FGFR1: variants seen among roughly 807,000 people sequenced by gnomAD.
FGFR1 encodes the protein FGFR1/PLAG1 fusion.
Under a neutral mutation model 93.7 loss-of-function variants are expected in FGFR1, and 18 were observed. The ratio of observed to expected loss-of-function variants is 0.19; its 90% CI spans 0.13 to 0.28. FGFR1 has a LOEUF of 0.28. FGFR1 is among the 10% of genes least tolerant of loss of function. The probability of loss-of-function intolerance (pLI) is 1.00; values close to 1 mark genes in which losing one functional copy is unlikely to be tolerated. For synonymous variants in FGFR1, 448 were observed against 429.3 expected, an observed-to-expected ratio of 1.04 and a Z score of -0.54; for missense variants, 731 against 1,080.4, an observed-to-expected ratio of 0.68 and a Z score of 4.53.
intron 9 of FGFR1, 122 bp from the exon 10 acceptor site, chr8:38,418,495 C>G: frequency 3.2e-6 from 4 of 1,235,326 alleles, no homozygotes; most frequent in Non-Finnish European, 4.6e-6. Context: ...ATGTTCTTTC[C>G]TCAACACAGA....
chr8:38,443,329 CCGA>C (rs1428797643), intron 2 of FGFR1, among the ~76,000 whole-genome samples: 1 of 151,984 alleles, frequency 6.6e-6, no homozygotes, highest in Non-Finnish European at 1.5e-5. Flanking sequence ...CATACCGTAC[CCGA>C]CGATTATACA....
chr8:38,424,737 C>A lies in FGFR1; in HGVS notation c.746-38G>T. ...GGAGAGGAGGCACTTGTCATGGGGA[C>A]CTTGCCATGGCTAAAGAGGGGTGGG... On this transcript the variant is annotated intron_variant, in intron 6 of 17. Transcript: ENST00000447712. This position sits in a 1 kb window ranked among gnomAD's most constrained non-coding sequence, Gnocchi z 4.3. 2.5e-6 allele frequency: 4 copies of A among 1,596,592 alleles called. No homozygotes were observed. Among genetic ancestry groups the A allele is most frequent in the Non-Finnish European group, 3.4e-6 (4 of 1,167,672 alleles).
chr8:38,423,825 C>A (rs1457939615), intron 7 of FGFR1: 4 of 164,292 alleles, frequency 2.4e-5, no homozygotes, highest in Non-Finnish European at 5.3e-5. Context: ...GAAGGGAGGG[C>A]CAGTATATCT....
rs909735570 is a variant in FGFR1 at position 38,422,407 on chromosome 8, TTC to T, written c.937-468_937-467del. The T allele has an allele frequency of 1.1e-5, 4 of 355,272 alleles. No homozygotes were observed. The East Asian group carries it at 1.4e-4, about 12-fold the overall frequency. The allele number at this position is 355,272 out of a possible 1,614,324, so 22.0% of individuals were successfully genotyped here. On this transcript the variant is annotated intron_variant, in intron 7 of 17. Coordinates refer to ENST00000447712, the MANE Select transcript of FGFR1 (RefSeq NM_023110.3). Reference sequence around the variant, plus strand: ...AGTATGCAAGGGAATGCCTAACCCCTTCTCTCTCTTTTTTAAGAGATGGGGTA... The same window carrying T: ...AGTATGCAAGGGAATGCCTAACCCCTTCTCTCTTTTTTAAGAGATGGGGTA...
intron 12 of FGFR1, 41 bp downstream of exon 12, chr8:38,417,265 C>T (rs1443544147): frequency 2.0e-6 from 3 of 1,487,008 alleles, no homozygotes; most frequent in Admixed American, 1.7e-5. Flanking sequence ...CTCAGATCTT[C>T]TCCCCGCTGG....
intron 11 of FGFR1, chr8:38,417,634 G>C (rs543799279): frequency 2.8e-6 from 2 of 717,698 alleles, no homozygotes; most frequent in Non-Finnish European, 2.4e-6. Flanking sequence ...GCCTGCAAGC[G>C]ATGGATCCAG....
chr8:38,421,763 G>A (rs758218044), intron 8 of FGFR1, 34 bp downstream of exon 8: 5 of 1,612,626 alleles, frequency 3.1e-6, no homozygotes, highest in Non-Finnish European at 4.2e-6. Flanking sequence ...CGTGGCGAGG[G>A]CAGGACATCG....
intron 2 of FGFR1, among the ~76,000 whole-genome samples, chr8:38,444,351 T>A (rs766518413): frequency 5.3e-5 from 8 of 151,774 alleles, no homozygotes; most frequent in Non-Finnish European, 4.4e-5. Flanking sequence ...GAGCATTTAG[T>A]ACTCTCAGTT....
chr8:38,442,362 G>GGTGTGTGTGTGTGTGTGTGTGTGTGTGT (rs56889687), intron 2 of FGFR1, among the ~76,000 whole-genome samples: 7 of 145,980 alleles, frequency 4.8e-5, no homozygotes, highest in East Asian at 2.0e-4. Context: ...TTGTTAAAGT[G>GGTGTGTGTGTGTGTGTGTGTGTGTGTGT]GTGTGTGTGT....
At chr8:38,431,336 A>G (rs1823028784) in intron 2 of FGFR1, among the ~76,000 whole-genome samples, 1 of 152,166 alleles carries the variant, frequency 6.6e-6, no homozygotes, top group Non-Finnish European at 1.5e-5. Flanking sequence ...GGCACCTGTC[A>G]CACTGAAGGG....
intron 2 of FGFR1, among the ~76,000 whole-genome samples, chr8:38,454,790 G>T (rs549563817): frequency 2.4e-4 from 37 of 152,252 alleles, no homozygotes; most frequent in African/African-American, 8.9e-4. Flanking sequence ...GTTTGTTGAA[G>T]TAAATAATGC....
At chr8:38,463,718 G>A (rs1040668439) in intron 1 of FGFR1, among the ~76,000 whole-genome samples, 1 of 152,182 alleles carries the variant, frequency 6.6e-6, no homozygotes, top group African/African-American at 2.4e-5. Context: ...TTGTTAACCA[G>A]CCAAACTCTA....
At chr8:38,437,018 C>T (rs1401091451) in intron 2 of FGFR1, among the ~76,000 whole-genome samples, 4 of 152,136 alleles carry the variant, frequency 2.6e-5, no homozygotes, top group African/African-American at 9.7e-5. Flanking sequence ...GTAGCTGGGA[C>T]TATAGACAAG....
intron 9 of FGFR1, 68 bp downstream of exon 9, chr8:38,419,465 A>C: frequency 7.2e-7 from 1 of 1,394,686 alleles, no homozygotes; most frequent in Non-Finnish European, 1.0e-6. Flanking sequence ...GGGACAATGG[A>C]GAGGGCAGGG....
chr8:38,415,572 ATAT>A (rs1177485670), intron 13 of FGFR1, among the ~76,000 whole-genome samples: 6 of 151,376 alleles, frequency 4.0e-5, no homozygotes, highest in Admixed American at 2.6e-4. Context: ...CACCCAGCTG[ATAT>A]TATTATTATT....
intron 1 of FGFR1, among the ~76,000 whole-genome samples, chr8:38,460,364 G>A (rs1358376314): frequency 6.6e-6 from 1 of 152,164 alleles, no homozygotes; most frequent in Non-Finnish European, 1.5e-5. Flanking sequence ...CTGTCACCCA[G>A]AAACGCACAC....
chr8:38,430,812 G>T (rs1463461898), intron 2 of FGFR1: 1 of 152,058 alleles, frequency 6.6e-6, no homozygotes, highest in Non-Finnish European at 1.5e-5. Context: ...ACCCACCGGG[G>T]TGTCTGCACC....
chr8:38,423,188 AACGACACACC>A (rs1224301207), intron 7 of FGFR1: 1 of 778,334 alleles, frequency 1.3e-6, no homozygotes, highest in African/African-American at 1.7e-5. Context: ...GGAACAAACC[AACGACACACC>A]AGTCAGTTGG....
rs1819931720 is a variant in FGFR1 at position 38,424,315 on chromosome 8, A to G, written c.936+194T>C. 1.4e-6 allele frequency: 1 copy of G among 733,878 alleles called. No individual in the cohort carries two copies. The highest frequency in any genetic ancestry group is 1.7e-5 in the African/African-American group (1 of 57,498). 45.5% of individuals were successfully genotyped at this position (733,878 alleles called of 1,614,324 possible). On this transcript the variant is annotated intron_variant, in intron 7 of 17. Transcript: ENST00000447712. This position sits in a 1 kb window ranked among gnomAD's most constrained non-coding sequence, Gnocchi z 4.3. ...CCCTGCAGCCCTCTGTTCCCAGCTC[A>G]CCTCCACTTTGTGACCTCTGTTACT... is the stretch of plus-strand genomic sequence containing the variant.
Sources: allele counts gnomAD v4.1 joint callset (sites outside exome capture counted in the v4.1 genomes callset), GRCh38; gene constraint gnomAD v4.1.1; non-coding constraint Gnocchi (gnomAD v3.1); transcripts MANE v1.5; gene names NCBI Gene and HGNC (gene_info 2026-07-23, HGNC 2026-07-21).